The following FCHSD2 variants were observed in gnomAD, a reference collection of about 807,000 sequenced individuals.
The protein encoded by FCHSD2 is F-BAR and double SH3 domains protein 2.
FCHSD2 carries 38 observed loss-of-function variants against 108.1 expected under a neutral mutation model. The ratio of observed to expected loss-of-function variants is 0.35; its 90% CI spans 0.27 to 0.46. The LOEUF (loss-of-function observed/expected upper bound fraction) is 0.46, where lower values mean the gene tolerates loss of function less well. FCHSD2 is among the 20% of genes least tolerant of loss of function. FCHSD2 has a pLI of 1.00. For synonymous variants in FCHSD2, 279 were observed against 314.7 expected, an observed-to-expected ratio of 0.89 and a Z score of 1.20; for missense variants, 751 against 897.8, an observed-to-expected ratio of 0.84 and a Z score of 2.09.
intron 8 of FCHSD2, chr11:72,941,048 TTGG>T: frequency 1.5e-6 from 1 of 680,832 alleles, no homozygotes; most frequent in South Asian, 1.5e-5. Flanking sequence ...CACCATGCTA[TTGG>T]TGGTTCTTGC....
chr11:72,987,422 T>C (rs754467105), intron 6 of FCHSD2, among the ~76,000 whole-genome samples: 1 of 152,218 alleles, frequency 6.6e-6, no homozygotes, highest in African/African-American at 2.4e-5. Context: ...GGCACTTGAT[T>C]TCTTTGAGTT....
At chr11:72,950,378 T>C (rs1159338576) in intron 8 of FCHSD2, among the ~76,000 whole-genome samples, 4 of 152,204 alleles carry the variant, frequency 2.6e-5, no homozygotes, top group Non-Finnish European at 4.4e-5. Context: ...GCTTGTGTTT[T>C]TGGTGATATC....
chr11:72,945,320 T>C (rs1303039936), intron 8 of FCHSD2, among the ~76,000 whole-genome samples: 5 of 152,206 alleles, frequency 3.3e-5, no homozygotes, highest in African/African-American at 9.7e-5. Context: ...ATTTAATAAA[T>C]GGTGCTGGGA....
intron 4 of FCHSD2, among the ~76,000 whole-genome samples, chr11:73,006,791 G>A (rs907620901): frequency 2.6e-5 from 4 of 152,206 alleles, no homozygotes; most frequent in Non-Finnish European, 5.9e-5. Context: ...TGCAGCAGAA[G>A]CTCTGTTTCA....
chr11:73,007,179 C>T (rs1275424100), intron 4 of FCHSD2, among the ~76,000 whole-genome samples: 3 of 151,980 alleles, frequency 2.0e-5, no homozygotes, highest in Non-Finnish European at 4.4e-5. Flanking sequence ...AAAATACTTG[C>T]CATAATAATT....
chr11:72,970,496 T>G (rs575937539), intron 8 of FCHSD2, among the ~76,000 whole-genome samples: 11 of 152,364 alleles, frequency 7.2e-5, no homozygotes, highest in African/African-American at 1.9e-4. Context: ...TCAAAGCTAC[T>G]TTAGTGGCAT....
chr11:73,122,566 A>T (rs1860760191), intron 2 of FCHSD2, among the ~76,000 whole-genome samples: 7 of 152,248 alleles, frequency 4.6e-5, no homozygotes, highest in Admixed American at 4.6e-4. Context: ...ATAGAGACTT[A>T]AATTTCCTTT....
At chr11:73,054,816 A>G (rs924645911) in intron 3 of FCHSD2, among the ~76,000 whole-genome samples, 4 of 152,130 alleles carry the variant, frequency 2.6e-5, no homozygotes, top group African/African-American at 9.7e-5. Context: ...AGCTAGGACT[A>G]CAGACATGTG....
chr11:73,081,101 T>TTTACATTTTAAATA (rs1416704801), intron 3 of FCHSD2, among the ~76,000 whole-genome samples: 2 of 152,160 alleles, frequency 1.3e-5, no homozygotes, highest in Admixed American at 1.3e-4. Context: ...AATGTAGTAT[T>TTTACATTTTAAATA]TTACATTTTA....
chr11:73,003,414 A>T (rs781534114), intron 4 of FCHSD2, among the ~76,000 whole-genome samples: 1 of 152,240 alleles, frequency 6.6e-6, no homozygotes, highest in Non-Finnish European at 1.5e-5. Context: ...TCTTGTTAAC[A>T]TAATAGTGGT....
At chr11:73,056,950 G>A (rs1475614759) in intron 3 of FCHSD2, among the ~76,000 whole-genome samples, 1 of 152,112 alleles carries the variant, frequency 6.6e-6, no homozygotes, top group Non-Finnish European at 1.5e-5. Flanking sequence ...GGGCATGGTG[G>A]CAGGCGCCTG....
intron 5 of FCHSD2, 24 bp from the exon 6 acceptor site, chr11:72,989,121 A>C (rs778206060): frequency 6.3e-7 from 1 of 1,583,918 alleles, no homozygotes; most frequent in Non-Finnish European, 8.6e-7. Context: ...AAGTACAATC[A>C]TTATGATTTT....
intron 8 of FCHSD2, among the ~76,000 whole-genome samples, chr11:72,955,360 G>C (rs1328820321): frequency 6.6e-6 from 1 of 152,280 alleles, no homozygotes; most frequent in East Asian, 1.9e-4. Flanking sequence ...GCAAGGTATG[G>C]AAGAAGGCAT....
At chr11:73,111,134 G>T (rs1860474454) in intron 2 of FCHSD2, among the ~76,000 whole-genome samples, 1 of 152,086 alleles carries the variant, frequency 6.6e-6, no homozygotes, top group Admixed American at 6.6e-5. Flanking sequence ...CTGAGGAAAG[G>T]AATGTGTATT....
chr11:72,985,184 A>G, intron 6 of FCHSD2, 68 bp from the exon 7 acceptor site: 1 of 364,404 alleles, frequency 2.7e-6, no homozygotes, highest in Admixed American at 4.7e-5. Flanking sequence ...ATTACTAAAT[A>G]TATTATTAAA....
rs567917668 is a variant in FCHSD2, at chr11:72,855,112, A to G, written c.1309-5223T>C. Among the ~76,000 whole-genome samples the G allele has an allele frequency of 1.8e-4, 28 of 152,294 alleles. No homozygotes were observed. The South Asian group carries it at 3.5e-3, about 19-fold the overall frequency. On this transcript the variant is annotated intron_variant, in intron 13 of 19. Transcript: ENST00000409418. ...AACATGGAGAAACCCTGTCTCTACT[A>G]AAAATACAAAATTAGCCGGGTGTGG... is the stretch of plus-strand genomic sequence containing the variant.
At chr11:72,880,903 A>T (rs1235354467) in intron 12 of FCHSD2, among the ~76,000 whole-genome samples, 1 of 151,878 alleles carries the variant, frequency 6.6e-6, no homozygotes, top group African/African-American at 2.4e-5. Flanking sequence ...CAACAACAAC[A>T]AACAAACACC....
At chr11:73,092,081 C>G (rs757884609) in intron 2 of FCHSD2, among the ~76,000 whole-genome samples, 1 of 152,124 alleles carries the variant, frequency 6.6e-6, no homozygotes, top group African/African-American at 2.4e-5. Flanking sequence ...TCTGAGAAGC[C>G]TTCCTGAATT....
chr11:72,992,785 G>T (rs1203018870), intron 5 of FCHSD2, among the ~76,000 whole-genome samples: 4 of 142,662 alleles, frequency 2.8e-5, no homozygotes, highest in African/African-American at 1.0e-4. Flanking sequence ...TTAAATGTTA[G>T]ACCTAAAACC....
Sources: allele counts gnomAD v4.1 joint callset (sites outside exome capture counted in the v4.1 genomes callset), GRCh38; gene constraint gnomAD v4.1.1; transcripts MANE v1.5; gene names NCBI Gene and HGNC (gene_info 2026-07-23, HGNC 2026-07-21).